Variants in NSD3 observed in about 807,000 individuals in gnomAD.
The protein encoded by NSD3 is nuclear receptor binding SET domain protein 3.
NSD3 carries 24 observed loss-of-function variants against 160.8 expected under a neutral mutation model. The observed-to-expected ratio is 0.15, with a 90% confidence interval of 0.11 to 0.21. NSD3 has a LOEUF of 0.21. Among genes scored for constraint, NSD3 ranks in the 10% least tolerant of loss-of-function variants. The pLI is 1.00. For missense variants in NSD3, 1,157 were observed against 1,735.9 expected, an observed-to-expected ratio of 0.67 and a Z score of 5.93; for synonymous variants, 520 against 600.0, an observed-to-expected ratio of 0.87 and a Z score of 1.95.
At chr8:38,324,480 C>T (rs2150373166) in intron 7 of NSD3, among the ~76,000 whole-genome samples, 1 of 152,216 alleles carries the variant, frequency 6.6e-6, no homozygotes. Flanking sequence ...ACACTTTATG[C>T]CACTCAGTCA....
At chr8:38,361,689 A>T (rs1810969302) in intron 1 of NSD3, among the ~76,000 whole-genome samples, 1 of 140,984 alleles carries the variant, frequency 7.1e-6, no homozygotes, top group South Asian at 2.4e-4. Context: ...TGGGAGGCGG[A>T]GCTTGCAGTG....
chr8:38,314,279 T>A (rs550660196), intron 12 of NSD3, among the ~76,000 whole-genome samples: 2 of 152,346 alleles, frequency 1.3e-5, no homozygotes, highest in African/African-American at 4.8e-5. Flanking sequence ...AGAAATATAA[T>A]CACTGTAGTT....
At chr8:38,314,564 G>T in intron 12 of NSD3, 83 bp downstream of exon 12, 3 of 1,555,126 alleles carry the variant, frequency 1.9e-6, no homozygotes, top group South Asian at 1.2e-5. Context: ...ATGGGAACAA[G>T]ATGTCCTAGG....
At chr8:38,320,976 A>G in intron 8 of NSD3, 96 bp downstream of exon 8, 1 of 1,179,990 alleles carries the variant, frequency 8.5e-7, no homozygotes, top group East Asian at 2.3e-5. Context: ...AAGGAAACTC[A>G]GTGTGGGGGA....
chr8:38,276,000 C>T, intron 23 of NSD3, 118 bp from the exon 24 acceptor site: 1 of 954,802 alleles, frequency 1.0e-6, no homozygotes, highest in Non-Finnish European at 1.5e-6. Context: ...CAATTGAATA[C>T]AACTCCAAAT....
intron 12 of NSD3, among the ~76,000 whole-genome samples, chr8:38,311,945 T>C (rs536827798): frequency 6.6e-6 from 1 of 152,350 alleles, no homozygotes; most frequent in African/African-American, 2.4e-5. Flanking sequence ...TTGTCTTTGA[T>C]TCATCTTGAA....
intron 1 of NSD3, among the ~76,000 whole-genome samples, chr8:38,372,965 G>A (rs1237664233): frequency 6.7e-6 from 1 of 149,934 alleles, no homozygotes; most frequent in Non-Finnish European, 1.5e-5. Context: ...CAGGCGAATC[G>A]CTTGAACCCG....
At chr8:38,284,104 G>GA (rs892270640) in intron 19 of NSD3, among the ~76,000 whole-genome samples, 15 of 148,774 alleles carry the variant, frequency 1.0e-4, no homozygotes, top group African/African-American at 2.2e-4. Flanking sequence ...CTGTTTCAAG[G>GA]AAAAAAAAAC....
At chr8:38,337,192 C>A in intron 4 of NSD3, 113 bp downstream of exon 4, 4 of 979,660 alleles carry the variant, frequency 4.1e-6, no homozygotes, top group South Asian at 3.8e-5. Flanking sequence ...CGGATATGCA[C>A]ATTTTTGTAT....
chr8:38,295,795 C>A lies in NSD3; in HGVS notation c.2915+1G>T. 6.2e-7 allele frequency: 1 copy of A among 1,612,326 alleles called. No individual in the cohort carries two copies. Among genetic ancestry groups the A allele is most frequent in the Non-Finnish European group, 8.5e-7 (1 of 1,179,506 alleles). ...TCCTCTTTGTTCTTGGAAAAACTTG[C>A]CTGTAATTTCCCAATTTGACCCAAA... On this transcript the variant is annotated splice_donor_variant, in intron 16 of 23. Coordinates refer to ENST00000317025, the MANE Select transcript of NSD3 (RefSeq NM_023034.2). LOFTEE classifies it high-confidence loss of function.
At chr8:38,378,755 G>A (rs1185597169) in intron 1 of NSD3, among the ~76,000 whole-genome samples, 2 of 151,824 alleles carry the variant, frequency 1.3e-5, no homozygotes, top group African/African-American at 4.8e-5. Context: ...CCTGGGAGGT[G>A]GAGGTTGTAT....
chr8:38,287,612 T>C (rs996408492), intron 19 of NSD3, among the ~76,000 whole-genome samples: 1 of 152,186 alleles, frequency 6.6e-6, no homozygotes, highest in African/African-American at 2.4e-5. Context: ...ATTCTATGAC[T>C]TTTCTTTACT....
chr8:38,376,439 CTT>C (rs548550847), intron 1 of NSD3, among the ~76,000 whole-genome samples: 10 of 144,586 alleles, frequency 6.9e-5, no homozygotes, highest in Admixed American at 7.0e-5. Context: ...TTCTTTCTTT[CTT>C]TTTTTTTTTT....
chr8:38,314,645 A>C lies in NSD3; in HGVS notation c.2242+2T>G, dbSNP rs1442158105. On this transcript the variant is annotated splice_donor_variant, in intron 12 of 23. Transcript: ENST00000317025. LOFTEE classifies it high-confidence loss of function. ...CATGACTATCGAAATAAGTCATCTT[A>C]CCAGTTTTACATTCCATGCAGATGA... 1 of 1,614,162 alleles carries C rather than the reference A, an allele frequency of 6.2e-7. No homozygotes were observed. The highest frequency in any genetic ancestry group is 1.7e-5 in the Admixed American group (1 of 60,024).
chr8:38,276,246 T>C (rs1808599672), intron 23 of NSD3, 50 bp downstream of exon 23: 4 of 1,578,432 alleles, frequency 2.5e-6, no homozygotes, highest in African/African-American at 1.3e-5. Flanking sequence ...GAGTTACACA[T>C]AGTTGGCAAA....
chr8:38,359,989 C>T (rs1810920071), intron 1 of NSD3, among the ~76,000 whole-genome samples: 1 of 150,806 alleles, frequency 6.6e-6, no homozygotes, highest in African/African-American at 2.4e-5. Context: ...TGGGCATTTC[C>T]TCTCAAACAA....
intron 22 of NSD3, chr8:38,276,748 A>C (rs1808609769): frequency 8.1e-6 from 4 of 493,342 alleles, no homozygotes; most frequent in South Asian, 4.4e-5. Flanking sequence ...GCAGTGGTGC[A>C]ATCTTGGCTC....
In NSD3 at chr8:38,278,310, GGCC is replaced by G; in HGVS notation, c.3860_3862del (p.Arg1287del). On this transcript the variant is annotated inframe_deletion, in exon 22 of 24. Transcript: ENST00000317025. ...GCGCTCCCCTGCAAGACTGACCTTT[GGCC>G]GCACTCCTAGAAAACCACTGCAGTT... 6.2e-7 allele frequency: 1 copy of G among 1,613,664 alleles called. No individual in the cohort carries two copies. Among genetic ancestry groups the G allele is most frequent in the Non-Finnish European group, 8.5e-7 (1 of 1,179,824 alleles).
In NSD3 at chr8:38,275,318, AT is replaced by A. The variant is rs1410561574; in HGVS notation, c.*322del. 3.2e-6 allele frequency: 1 copy of A among 309,150 alleles called. No individual in the cohort carries two copies. Among genetic ancestry groups the A allele is most frequent in the Non-Finnish European group, 6.0e-6 (1 of 165,682 alleles). The allele number at this position is 309,150 out of a possible 1,614,324, so 19.2% of individuals were successfully genotyped here. ...ACATCTTAGACTTTAAATTTATCTC[AT>A]TAACAAAACTTACTTTTCTCTTTGT... On this transcript the variant is annotated 3_prime_UTR_variant, in exon 24 of 24. Coordinates refer to ENST00000317025, the MANE Select transcript of NSD3 (RefSeq NM_023034.2).
Sources: allele counts gnomAD v4.1 joint callset (sites outside exome capture counted in the v4.1 genomes callset), GRCh38; gene constraint gnomAD v4.1.1; transcripts MANE v1.5; gene names NCBI Gene and HGNC (gene_info 2026-07-23, HGNC 2026-07-21).